SUMF1: variants seen among roughly 807,000 people sequenced by gnomAD.
SUMF1 encodes sulfatase modifying factor 1.
Under a neutral mutation model 47.6 loss-of-function variants are expected in SUMF1, and 48 were observed. The ratio of observed to expected loss-of-function variants is 1.01; its 90% confidence interval spans 0.80 to 1.28. SUMF1 has a LOEUF of 1.28. SUMF1 is among the 50% of genes most tolerant of loss of function. The pLI is 0.00. For synonymous variants in SUMF1, 230 were observed against 192.1 expected, an observed-to-expected ratio of 1.20 and a Z score of -1.63; for missense variants, 571 against 485.4, an observed-to-expected ratio of 1.18 and a Z score of -1.66.
At chr3:4,112,938 G>A (rs1165355796) in intron 8 of SUMF1, among the ~76,000 whole-genome samples, 1 of 152,086 alleles carries the variant, frequency 6.6e-6, no homozygotes. Flanking sequence ...ATGCCAGTCT[G>A]CATAAATAGT....
intron 6 of SUMF1, among the ~76,000 whole-genome samples, chr3:4,415,834 T>G (rs940861533): frequency 7.9e-5 from 12 of 151,914 alleles, no homozygotes; most frequent in African/African-American, 2.9e-4. Context: ...AATAAATAAG[T>G]AAATAAAATG....
At chr3:4,326,557 GC>G (rs1698950760) in intron 8 of SUMF1, among the ~76,000 whole-genome samples, 1 of 128,170 alleles carries the variant, frequency 7.8e-6, no homozygotes, top group South Asian at 2.4e-4. Context: ...TCACTCTGTT[GC>G]CCAGGCTGGA....
intron 8 of SUMF1, among the ~76,000 whole-genome samples, chr3:4,079,994 C>G (rs1229534924): frequency 6.6e-6 from 1 of 151,820 alleles, no homozygotes; most frequent in East Asian, 1.9e-4. Context: ...GCTCTCTGGA[C>G]TTCGGTGTCC....
At chr3:4,370,741 A>G (rs943049431) in intron 8 of SUMF1, among the ~76,000 whole-genome samples, 7 of 152,204 alleles carry the variant, frequency 4.6e-5, no homozygotes, top group Non-Finnish European at 8.8e-5. Context: ...CTGGAATACT[A>G]TCAATTGTTT....
chr3:4,155,082 A>T (rs1439892030), intron 8 of SUMF1, among the ~76,000 whole-genome samples: 1 of 151,518 alleles, frequency 6.6e-6, no homozygotes, highest in Non-Finnish European at 1.5e-5. Context: ...GGGTTTGCTG[A>T]GGAAGACATT....
At chr3:4,301,972 GA>G (rs2125064944) in intron 8 of SUMF1, among the ~76,000 whole-genome samples, 1 of 152,234 alleles carries the variant, frequency 6.6e-6, no homozygotes, top group East Asian at 1.9e-4. Flanking sequence ...GCAGAACCCT[GA>G]ATCACACCCA....
At chr3:4,225,000 G>C (rs935958768) in intron 8 of SUMF1, among the ~76,000 whole-genome samples, 2 of 152,022 alleles carry the variant, frequency 1.3e-5, no homozygotes, top group African/African-American at 4.8e-5. Flanking sequence ...GGACAATCAA[G>C]GGTTCTGACA....
At chr3:4,290,307 A>G (rs1356971425) in intron 8 of SUMF1, among the ~76,000 whole-genome samples, 1 of 148,730 alleles carries the variant, frequency 6.7e-6, no homozygotes, top group Non-Finnish European at 1.5e-5. Flanking sequence ...AAATCACAGC[A>G]AAGGAAAACG....
At chr3:4,109,490 A>C (rs1291103514) in intron 8 of SUMF1, among the ~76,000 whole-genome samples, 1 of 152,090 alleles carries the variant, frequency 6.6e-6, no homozygotes, top group Non-Finnish European at 1.5e-5. Flanking sequence ...AGATTGGGGA[A>C]GTTCTCCTGG....
intron 8 of SUMF1, among the ~76,000 whole-genome samples, chr3:4,095,869 G>A (rs1692891843): frequency 6.6e-6 from 1 of 152,028 alleles, no homozygotes; most frequent in African/African-American, 2.4e-5. Flanking sequence ...ACTGAACAAG[G>A]GAAAGCAAAA....
At chr3:4,042,101 T>C (rs544322231) in intron 9 of SUMF1, among the ~76,000 whole-genome samples, 1 of 152,202 alleles carries the variant, frequency 6.6e-6, no homozygotes, top group Non-Finnish European at 1.5e-5. Flanking sequence ...AACCACTTAA[T>C]TTCTGCAACT....
intron 8 of SUMF1, chr3:4,313,513 C>G (rs769640075): frequency 3.1e-6 from 5 of 1,613,780 alleles, no homozygotes; most frequent in Non-Finnish European, 4.2e-6. Context: ...AGAAGAAGAA[C>G]TCTCTTATGA....
At chr3:4,403,676 G>A (rs1184776314) in intron 7 of SUMF1, among the ~76,000 whole-genome samples, 3 of 152,208 alleles carry the variant, frequency 2.0e-5, no homozygotes. Context: ...CTTCAAGGAG[G>A]ATTTGAGTTG....
chr3:4,379,147 C>A (rs1043270328), intron 7 of SUMF1, among the ~76,000 whole-genome samples: 3 of 152,190 alleles, frequency 2.0e-5, no homozygotes, highest in Admixed American at 6.5e-5. Flanking sequence ...GAAATGCTTG[C>A]CACTTTGCCA....
chr3:4,306,601 C>T (rs922217574), intron 8 of SUMF1, among the ~76,000 whole-genome samples: 27 of 152,140 alleles, frequency 1.8e-4, no homozygotes, highest in African/African-American at 6.0e-4. Flanking sequence ...GTCTTTCTTA[C>T]CAAGAAGATC....
At chr3:4,236,486 G>C (rs910170745) in intron 8 of SUMF1, among the ~76,000 whole-genome samples, 6 of 152,076 alleles carry the variant, frequency 3.9e-5, no homozygotes, top group Non-Finnish European at 8.8e-5. Flanking sequence ...AGGCTCGCAG[G>C]CACCTGCCTA....
chr3:4,403,711 A>T (rs1254545416), intron 7 of SUMF1, among the ~76,000 whole-genome samples: 3 of 152,226 alleles, frequency 2.0e-5, no homozygotes, highest in Admixed American at 6.5e-5. Context: ...CAGTGAGAAC[A>T]TCTGACAATG....
rs187436420 is a variant in SUMF1 at position 4,227,787 on chromosome 3, C to T, written c.1014+148543G>A. On this transcript the variant is annotated intron_variant and NMD_transcript_variant, in intron 8 of 12. Coordinates refer to the SUMF1 transcript ENST00000448413. Reference sequence around the variant, plus strand: ...ATGCAGGAGGCATTGCTTTTAGTCCCTAGAGCCAGTCATGCTTGAGGTCAG... The same window carrying T: ...ATGCAGGAGGCATTGCTTTTAGTCCTTAGAGCCAGTCATGCTTGAGGTCAG... Among the ~76,000 whole-genome samples the T allele has an allele frequency of 3.9e-5, 6 of 152,242 alleles. No homozygotes were observed. The East Asian group carries it at 9.7e-4, about 25-fold the overall frequency.
rs1374167297 is a variant in SUMF1, at chr3:4,257,542, T to C, written c.1014+118788A>G. Among the ~76,000 whole-genome samples, 3 of 151,276 alleles carry C rather than the reference T, an allele frequency of 2.0e-5. 1 individual carries two copies. The highest frequency in any genetic ancestry group is 4.2e-4 in the South Asian group (2 of 4,738). ...TCAAAGAGAATAAAATACCTAGGAATCCAACTTACAAGGGATGTGAAGGAC... is the reference window on the plus strand; with the variant it reads ...TCAAAGAGAATAAAATACCTAGGAACCCAACTTACAAGGGATGTGAAGGAC... On this transcript the variant is annotated intron_variant and NMD_transcript_variant, in intron 8 of 12. Transcript: ENST00000448413.
Sources: gnomAD v4.1 joint callset for allele counts (sites outside exome capture counted in the v4.1 genomes callset) on GRCh38, gnomAD v4.1.1 for gene constraint, MANE v1.5 for transcripts, NCBI Gene and HGNC (gene_info 2026-07-23, HGNC 2026-07-21) for gene names.